XYLT1: variants seen among roughly 807,000 people sequenced by gnomAD.
The protein encoded by XYLT1 is xylosyltransferase 1.
XYLT1 carries 36 observed loss-of-function variants against 91.3 expected under a neutral mutation model. The ratio of observed to expected loss-of-function variants is 0.39; its 90% CI spans 0.30 to 0.52. XYLT1 has a LOEUF of 0.52. XYLT1 is among the 20% of genes least tolerant of loss of function. The pLI is 0.68. For synonymous variants in XYLT1, 588 were observed against 532.0 expected (o/e 1.11, Z -1.45); for missense variants, 1,242 against 1,284.5 (o/e 0.97, Z 0.51).
intron 1 of XYLT1, among the ~76,000 whole-genome samples, chr16:17,464,211 G>A (rs879813778): frequency 3.9e-5 from 6 of 152,076 alleles, no homozygotes; most frequent in Non-Finnish European, 8.8e-5. Context: ...TAGAAGACCC[G>A]GGCACAGTGG....
rs560433469 is a variant in XYLT1 at position 17,170,373 on chromosome 16, A to G, written c.1290-11464T>C. ...TTATCTGGGTCATCTATGTTCCCCA[A>G]CTGTCCAGCACAGAGGCCAGGAACA... On this transcript the variant is annotated intron_variant, in intron 5 of 11. Coordinates refer to ENST00000261381, the MANE Select transcript of XYLT1 (RefSeq NM_022166.4). 8.3e-4 allele frequency among the ~76,000 whole-genome samples: 127 copies of G among 152,330 alleles called. 1 individual carries two copies. The highest frequency in any genetic ancestry group is 3.4e-3 in the Middle Eastern group (1 of 294).
chr16:17,298,006 C>A (rs1220028682), intron 2 of XYLT1, among the ~76,000 whole-genome samples: 2 of 149,172 alleles, frequency 1.3e-5, no homozygotes, highest in Non-Finnish European at 3.0e-5. Flanking sequence ...GGGCGACGAG[C>A]GAGACTCCGT....
At chr16:17,380,308 TAAATAA>T (rs946876641) in intron 1 of XYLT1, among the ~76,000 whole-genome samples, 5 of 151,928 alleles carry the variant, frequency 3.3e-5, no homozygotes, top group African/African-American at 9.7e-5. Flanking sequence ...AATAAACAAA[TAAATAA>T]AAATAAAAAG....
At chr16:17,299,804 T>C (rs1352849187) in intron 2 of XYLT1, among the ~76,000 whole-genome samples, 1 of 152,178 alleles carries the variant, frequency 6.6e-6, no homozygotes, top group Non-Finnish European at 1.5e-5. Flanking sequence ...TAGAGAAAAG[T>C]TTCAGAAAGA....
At chr16:17,262,472 G>A (rs1264940234) in intron 2 of XYLT1, among the ~76,000 whole-genome samples, 1 of 152,170 alleles carries the variant, frequency 6.6e-6, no homozygotes, top group African/African-American at 2.4e-5. Context: ...CCCTGCAGTG[G>A]AATAATGGGT....
intron 3 of XYLT1, among the ~76,000 whole-genome samples, chr16:17,218,544 C>G (rs531820279): frequency 6.6e-6 from 1 of 152,092 alleles, no homozygotes; most frequent in South Asian, 2.1e-4. Context: ...TGTGAGCTAT[C>G]GCTTCCAAAA....
intron 2 of XYLT1, among the ~76,000 whole-genome samples, chr16:17,282,713 T>C (rs1436336720): frequency 1.3e-5 from 2 of 152,236 alleles, no homozygotes; most frequent in African/African-American, 2.4e-5. Context: ...CCTGGTTGTA[T>C]ATGGAGTCCA....
chr16:17,373,020 G>A (rs183332440), intron 1 of XYLT1, among the ~76,000 whole-genome samples: 119 of 152,266 alleles, frequency 7.8e-4, no homozygotes, highest in African/African-American at 2.7e-3. Context: ...CCATTTGAGG[G>A]CTGCTAATAT....
intron 2 of XYLT1, among the ~76,000 whole-genome samples, chr16:17,328,548 CAAAAAAAAAAAAAAAAA>C (rs71373105): frequency 2.0e-4 from 10 of 51,252 alleles, no homozygotes; most frequent in East Asian, 1.4e-3. Flanking sequence ...GACTCCTTCT[CAAAAAAAAAAAAAAAAA>C]AAAAAAAAAA....
rs184395884 is a variant in XYLT1, at chr16:17,244,328, C to T, written c.913+14660G>A. ...GGCCGGCAAGCACTGTCCTTGACCA[C>T]GCAAGAAAATTGCTGGGATCTCGGA... On this transcript the variant is annotated intron_variant, in intron 3 of 11. Coordinates refer to ENST00000261381, the MANE Select transcript of XYLT1 (RefSeq NM_022166.4). Among the ~76,000 whole-genome samples the T allele has an allele frequency of 8.7e-4, 132 of 152,084 alleles. 2 individuals carry two copies. The highest frequency in any genetic ancestry group is 3.0e-3 in the African/African-American group (123 of 41,494).
intron 5 of XYLT1, among the ~76,000 whole-genome samples, chr16:17,165,206 T>G (rs1237149724): frequency 1.3e-5 from 2 of 152,248 alleles, no homozygotes; most frequent in African/African-American, 4.8e-5. Flanking sequence ...TTTGCATCTA[T>G]TAACCCACTT....
chr16:17,470,922 C>CGCCTCGGCTCG lies in XYLT1; in HGVS notation c.-127_-126insCGAGCCGAGGC. The CGCCTCGGCTCG allele has an allele frequency of 1.3e-5, 2 of 151,700 alleles. No homozygotes were observed. Among genetic ancestry groups the CGCCTCGGCTCG allele is most frequent in the Non-Finnish European group, 2.8e-5 (2 of 72,292 alleles). The allele number at this position is 151,700 out of a possible 1,614,324, so 9.4% of individuals were successfully genotyped here. A position where few individuals can be genotyped will look rare whatever the true frequency, so the allele number is the denominator to read the frequency against. On this transcript the variant is annotated 5_prime_UTR_variant, in exon 1 of 12. Coordinates refer to ENST00000261381, the MANE Select transcript of XYLT1 (RefSeq NM_022166.4). ...CTCCCGCTCGGGCCGCCGCCGCCGC[C>CGCCTCGGCTCG]CCCCTCCCCACACCCCTGTCCCCGC...
At chr16:17,204,163 G>T (rs982754820) in intron 3 of XYLT1, among the ~76,000 whole-genome samples, 1 of 152,194 alleles carries the variant, frequency 6.6e-6, no homozygotes, top group African/African-American at 2.4e-5. Context: ...GGAGATTTGC[G>T]ATATAGAGGA....
intron 4 of XYLT1, among the ~76,000 whole-genome samples, chr16:17,199,424 A>T (rs953077643): frequency 6.6e-5 from 10 of 152,170 alleles, no homozygotes; most frequent in African/African-American, 1.9e-4. Flanking sequence ...TGTGACAGAG[A>T]CTATGTGCCC....
At chr16:17,188,145 G>A (rs1211667137) in intron 5 of XYLT1, among the ~76,000 whole-genome samples, 1 of 152,042 alleles carries the variant, frequency 6.6e-6, no homozygotes, top group Non-Finnish European at 1.5e-5. Context: ...CTGCCTGGAG[G>A]TTTGGAGAAT....
At chr16:17,376,595 G>A (rs1429337156) in intron 1 of XYLT1, among the ~76,000 whole-genome samples, 2 of 152,276 alleles carry the variant, frequency 1.3e-5, no homozygotes, top group African/African-American at 2.4e-5. Context: ...GAGAGGCCAA[G>A]GCAGGAGGAT....
At chr16:17,177,067 C>G (rs888087892) in intron 5 of XYLT1, among the ~76,000 whole-genome samples, 2 of 152,198 alleles carry the variant, frequency 1.3e-5, no homozygotes, top group Admixed American at 6.5e-5. Flanking sequence ...TCCACATAAG[C>G]CTCTTTTCAT....
intron 2 of XYLT1, among the ~76,000 whole-genome samples, chr16:17,283,282 T>C (rs1040065142): frequency 6.6e-6 from 1 of 152,108 alleles, no homozygotes. Flanking sequence ...CTGTAATAAG[T>C]GAATTGTTCT....
chr16:17,444,709 G>A (rs901292081), intron 1 of XYLT1, among the ~76,000 whole-genome samples: 5 of 152,046 alleles, frequency 3.3e-5, no homozygotes, highest in African/African-American at 4.8e-5. Flanking sequence ...ATAAATATTT[G>A]TTAAAATAAA....
Sources: gnomAD v4.1 joint callset for allele counts (sites outside exome capture counted in the v4.1 genomes callset) on GRCh38, gnomAD v4.1.1 for gene constraint, MANE v1.5 for transcripts, NCBI Gene and HGNC (gene_info 2026-07-23, HGNC 2026-07-21) for gene names.